Variants in WDR35 observed in about 807,000 individuals in gnomAD.
WDR35 encodes the protein WD repeat domain 35, also known as WD repeat-containing protein 35.
WDR35 carries 118 observed loss-of-function variants against 158.3 expected under a neutral mutation model. The ratio of observed to expected loss-of-function variants is 0.75; its 90% CI spans 0.64 to 0.87. The LOEUF is 0.87. Ranked by LOEUF, WDR35 falls within the 40% of genes least tolerant of loss-of-function variation. The probability of loss-of-function intolerance (pLI) is 0.00; values close to 1 mark genes in which losing one functional copy is unlikely to be tolerated. For synonymous variants in WDR35, 448 were observed against 476.1 expected, an observed-to-expected ratio of 0.94 and a Z score of 0.77; for missense variants, 1,263 against 1,405.8, an observed-to-expected ratio of 0.90 and a Z score of 1.62.
At chr2:19,985,378 A>C (rs1430244144) in intron 2 of WDR35, among the ~76,000 whole-genome samples, 6 of 151,392 alleles carry the variant, frequency 4.0e-5, no homozygotes, top group African/African-American at 1.5e-4. Context: ...CTCAAACCCT[A>C]CCACAAGCAG....
chr2:19,922,961 T>C (rs2103388050), intron 25 of WDR35, among the ~76,000 whole-genome samples: 1 of 152,378 alleles, frequency 6.6e-6, no homozygotes, highest in East Asian at 1.9e-4. Flanking sequence ...GCATGAGTGA[T>C]CTGTGCCTTA....
rs1380830183 is a variant in WDR35, at chr2:19,935,611, A to G, written c.2415-8T>C. The G allele has an allele frequency of 1.2e-6, 2 of 1,610,654 alleles. No individual in the cohort carries two copies. The highest frequency in any genetic ancestry group is 3.3e-5 in the Admixed American group (2 of 59,828). On this transcript the variant is annotated splice_polypyrimidine_tract_variant and splice_region_variant and intron_variant, in intron 20 of 26. Coordinates refer to ENST00000281405, the MANE Select transcript of WDR35 (RefSeq NM_020779.4). ...TATTGTACAGCATTCAACCTACAGA[A>G]AGAAAAAAGGAAAAACTTTTAAAAC...
chr2:19,921,236 T>G (rs1670156078), intron 25 of WDR35, among the ~76,000 whole-genome samples: 1 of 152,146 alleles, frequency 6.6e-6, no homozygotes, highest in African/African-American at 2.4e-5. Flanking sequence ...ACTTTAAATT[T>G]CATATGGAAC....
chr2:19,939,100 C>G (rs1013535846), intron 17 of WDR35, among the ~76,000 whole-genome samples: 1 of 152,104 alleles, frequency 6.6e-6, no homozygotes. Flanking sequence ...TTAAGGCAAT[C>G]GGAAATTATG....
intron 25 of WDR35, among the ~76,000 whole-genome samples, chr2:19,921,517 C>A (rs1422065403): frequency 3.9e-5 from 6 of 152,206 alleles, no homozygotes. Flanking sequence ...GCAAAACTGG[C>A]TAGCCATATG....
chr2:19,936,195 A>T (rs963243481), intron 20 of WDR35, 24 bp downstream of exon 20: 4 of 1,613,686 alleles, frequency 2.5e-6, no homozygotes, highest in Non-Finnish European at 2.5e-6. Context: ...TGAATGCTTG[A>T]GGAGCTCCAG....
intron 14 of WDR35, 82 bp from the exon 15 acceptor site, chr2:19,946,652 C>T (rs766407661): frequency 1.0e-5 from 14 of 1,351,304 alleles, no homozygotes; most frequent in Non-Finnish European, 1.4e-5. Context: ...TATGTCTATA[C>T]ATTTGTCTTA....
At chr2:19,942,186 AT>A (rs1313830747) in intron 16 of WDR35, among the ~76,000 whole-genome samples, 2 of 149,502 alleles carry the variant, frequency 1.3e-5, no homozygotes, top group Non-Finnish European at 3.0e-5. Context: ...AGCATGTAAT[AT>A]TCAGTCCAAT....
At chr2:19,926,863 A>C (rs182374064) in intron 25 of WDR35, among the ~76,000 whole-genome samples, 2 of 152,018 alleles carry the variant, frequency 1.3e-5, no homozygotes, top group Admixed American at 1.3e-4. Flanking sequence ...CCTTATCATG[A>C]GCCAGATGCC....
In WDR35 at chr2:19,990,089, A is replaced by G. The variant is rs1189620727; in HGVS notation, c.-74T>C. 1 of 1,588,120 alleles carries G rather than the reference A, an allele frequency of 6.3e-7. No homozygotes were observed. Among genetic ancestry groups the G allele is most frequent in the African/African-American group, 1.3e-5 (1 of 74,380 alleles). On this transcript the variant is annotated 5_prime_UTR_variant, in exon 1 of 27. Transcript: ENST00000281405. ...TAACGGTTCTACGTCTCCAATCGGGAGTACCAGCAGCTCCGGAAAGCTCCC... is the reference window on the plus strand; with the variant it reads ...TAACGGTTCTACGTCTCCAATCGGGGGTACCAGCAGCTCCGGAAAGCTCCC...
At chr2:19,924,322 T>C (rs530660075) in intron 25 of WDR35, among the ~76,000 whole-genome samples, 1 of 152,176 alleles carries the variant, frequency 6.6e-6, no homozygotes, top group East Asian at 1.9e-4. Context: ...CCCAGCACTT[T>C]GGGAGGCTGA....
At chr2:19,951,382 T>C (rs774141657) in intron 13 of WDR35, 33 bp downstream of exon 13, 4 of 1,526,222 alleles carry the variant, frequency 2.6e-6, no homozygotes, top group Non-Finnish European at 3.6e-6. Flanking sequence ...TCTACAGATA[T>C]TAACATTTTC....
At position 19,912,516 on chromosome 2, in the gene WDR35, T is replaced by C. The variant is rs552073365; in HGVS notation, c.*1042A>G. Reference sequence around the variant, plus strand: ...CTCTACAAGACAAAAACATATGAGATTGAGAAAGTGTATTGTAGCTGCAAA... The same window carrying C: ...CTCTACAAGACAAAAACATATGAGACTGAGAAAGTGTATTGTAGCTGCAAA... On this transcript the variant is annotated 3_prime_UTR_variant, in exon 27 of 27. Coordinates refer to ENST00000281405, the MANE Select transcript of WDR35 (RefSeq NM_020779.4). 3.3e-5 allele frequency: 5 copies of C among 152,282 alleles called. No homozygotes were observed. Among genetic ancestry groups the C allele is most frequent in the South Asian group, 2.1e-4 (1 of 4,828 alleles). The allele number at this position is 152,282 out of a possible 1,614,324, so 9.4% of individuals were successfully genotyped here. A position where few individuals can be genotyped will look rare whatever the true frequency, so the allele number is the denominator to read the frequency against.
intron 2 of WDR35, among the ~76,000 whole-genome samples, chr2:19,982,922 A>C (rs1221259318): frequency 3.3e-5 from 5 of 152,280 alleles, no homozygotes; most frequent in Non-Finnish European, 5.9e-5. Context: ...TCTTATATTC[A>C]CTCATTTATT....
Position 19,941,811 on chromosome 2 carries a change from C to A in WDR35, c.1874G>T (p.Cys625Phe). ...EEPIQTSGYICNFEDLEIKSV... is the reference protein window; with the variant it reads ...EEPIQTSGYIFNFEDLEIKSV... ...TTTAATTTCTAAATCCTCAAAATTACAAATATATCCAGAGGTCTGAATGGG... is the reference window on the plus strand; with the variant it reads ...TTTAATTTCTAAATCCTCAAAATTAAAAATATATCCAGAGGTCTGAATGGG... Residue 625 changes from cysteine (C) to phenylalanine (F), a missense_variant, in exon 17 of 27, where the codon TGT becomes TTT. Cys to Phe is a radical substitution (Grantham distance 205). Coordinates refer to ENST00000281405, the MANE Select transcript of WDR35 (RefSeq NM_020779.4). 1 of 1,572,612 alleles carries A rather than the reference C, an allele frequency of 6.4e-7. No individual in the cohort carries two copies. The highest frequency in any genetic ancestry group is 8.7e-7 in the Non-Finnish European group (1 of 1,151,258).
At chr2:19,922,903 GC>G (rs2103387978) in intron 25 of WDR35, among the ~76,000 whole-genome samples, 1 of 152,256 alleles carries the variant, frequency 6.6e-6, no homozygotes, top group African/African-American at 2.4e-5. Context: ...CACCTGGCCC[GC>G]CCAGGGCAGA....
intron 15 of WDR35, 68 bp from the exon 16 acceptor site, chr2:19,946,064 T>C: frequency 6.8e-7 from 1 of 1,469,202 alleles, no homozygotes. Flanking sequence ...TGAGAATAAT[T>C]ACCTATAGCC....
Position 19,959,694 on chromosome 2 carries a change from A to G in WDR35, c.1255+860T>C, listed in dbSNP as rs571329516. ...TCAACAAACACTTAGCAAAATGCAAACACTCAAAAGGCAACAGGCATTAAT... is the reference window on the plus strand; with the variant it reads ...TCAACAAACACTTAGCAAAATGCAAGCACTCAAAAGGCAACAGGCATTAAT... On this transcript the variant is annotated intron_variant, in intron 11 of 26. Transcript: ENST00000281405. Among the ~76,000 whole-genome samples, 4 of 152,144 alleles carry G rather than the reference A, an allele frequency of 2.6e-5. No individual in the cohort carries two copies. The East Asian group carries it at 7.7e-4, about 29-fold the overall frequency.
intron 19 of WDR35, among the ~76,000 whole-genome samples, chr2:19,937,275 A>G (rs1403631922): frequency 6.6e-6 from 1 of 152,250 alleles, no homozygotes. Flanking sequence ...ATTCAAAAGA[A>G]GAAATATTTA....
Sources: gnomAD v4.1 joint callset for allele counts (sites outside exome capture counted in the v4.1 genomes callset) on GRCh38, gnomAD v4.1.1 for gene constraint, MANE v1.5 for transcripts, NCBI Gene and HGNC (gene_info 2026-07-23, HGNC 2026-07-21) for gene names.